Variants in SYN2 observed in about 807,000 individuals in gnomAD.
The protein encoded by SYN2 is synapsin-2.
Under a neutral mutation model 50.9 loss-of-function variants are expected in SYN2, and 19 were observed. The observed-to-expected ratio is 0.37, with a 90% CI of 0.26 to 0.55. The LOEUF (loss-of-function observed/expected upper bound fraction) is 0.55. SYN2 is among the 20% of genes least tolerant of loss of function. SYN2 has a pLI of 0.81. For synonymous variants in SYN2, 255 were observed against 224.9 expected (o/e 1.13, Z -1.20); for missense variants, 587 against 576.4 (o/e 1.02, Z -0.19).
intron 1 of SYN2, among the ~76,000 whole-genome samples, chr3:12,047,487 A>G (rs1303131250): frequency 2.6e-5 from 4 of 152,154 alleles, no homozygotes; most frequent in African/African-American, 9.7e-5. Context: ...ATTTAGTGAG[A>G]GTTGAAGGCC....
chr3:12,087,723 A>C (rs186985152), intron 1 of SYN2, among the ~76,000 whole-genome samples: 2 of 152,238 alleles, frequency 1.3e-5, no homozygotes, highest in Admixed American at 1.3e-4. Flanking sequence ...ACTGCACTTC[A>C]GCCTAGGTGA....
In SYN2 at chr3:12,191,806, TG is replaced by T. The variant is rs1220924545; in HGVS notation, c.*1183del. ...TCAAGCTCCTCAGCTGAGGCCCACA[TG>T]GTGGTGCCAATGAGGCTGGACCAAC... On this transcript the variant is annotated 3_prime_UTR_variant, in exon 13 of 13. Transcript: ENST00000621198. Among the ~76,000 whole-genome samples the T allele has an allele frequency of 1.3e-5, 2 of 152,168 alleles. No homozygotes were observed. Among genetic ancestry groups the T allele is most frequent in the East Asian group, 3.8e-4 (2 of 5,196 alleles).
chr3:12,081,932 T>C (rs1362204007), intron 1 of SYN2, among the ~76,000 whole-genome samples: 2 of 152,166 alleles, frequency 1.3e-5, no homozygotes, highest in Non-Finnish European at 2.9e-5. Context: ...ATATTTGTTC[T>C]AAGGGGTAGA....
At chr3:12,154,598 A>C in intron 5 of SYN2, 1 of 760,988 alleles carries the variant, frequency 1.3e-6, no homozygotes, top group Non-Finnish European at 2.1e-6. Context: ...GGACCAATAA[A>C]TAAAACTACT....
intron 10 of SYN2, among the ~76,000 whole-genome samples, chr3:12,180,868 C>T (rs1055135137): frequency 6.6e-6 from 1 of 152,202 alleles, no homozygotes; most frequent in Non-Finnish European, 1.5e-5. Flanking sequence ...GGTGTGATCA[C>T]CCCTGTGAGC....
chr3:12,068,630 T>A (rs1695273357), intron 1 of SYN2, among the ~76,000 whole-genome samples: 1 of 152,230 alleles, frequency 6.6e-6, no homozygotes, highest in South Asian at 2.1e-4. Flanking sequence ...GTTGTTGACC[T>A]TCCGAATTTA....
At chr3:12,162,655 T>G (rs1167475130) in intron 7 of SYN2, among the ~76,000 whole-genome samples, 1 of 152,206 alleles carries the variant, frequency 6.6e-6, no homozygotes, top group African/African-American at 2.4e-5. Flanking sequence ...CAGTTACACA[T>G]CTTATATATT....
At chr3:12,134,291 G>T (rs1037776859) in intron 1 of SYN2, among the ~76,000 whole-genome samples, 5 of 152,302 alleles carry the variant, frequency 3.3e-5, no homozygotes, top group African/African-American at 9.6e-5. Context: ...GGATATTTCT[G>T]CAGTGAAAAG....
intron 1 of SYN2, among the ~76,000 whole-genome samples, chr3:12,082,880 T>C (rs61672947): frequency 0.098 from 14,882 of 152,198 alleles, 2,421 homozygotes; most frequent in African/African-American, 0.34. Flanking sequence ...TTTGAACTTT[T>C]TTATTTCAGA....
chr3:12,068,224 T>C (rs1401470757), intron 1 of SYN2, among the ~76,000 whole-genome samples: 1 of 7,314 alleles, frequency 1.4e-4, no homozygotes, highest in Admixed American at 1.8e-3. Context: ...AAAATATCTT[T>C]ATACTACCTT....
intron 1 of SYN2, among the ~76,000 whole-genome samples, chr3:12,133,773 C>G (rs574327695): frequency 2.0e-5 from 3 of 152,184 alleles, no homozygotes; most frequent in Non-Finnish European, 4.4e-5. Context: ...TAAAATCTTT[C>G]AGTATTTTCT....
chr3:12,140,925 T>C (rs1295812089), intron 2 of SYN2, among the ~76,000 whole-genome samples: 1 of 152,230 alleles, frequency 6.6e-6, no homozygotes, highest in Non-Finnish European at 1.5e-5. Context: ...TTCCTTTTTA[T>C]GGCTCTAGTG....
chr3:12,157,752 C>G (rs1166375423), intron 5 of SYN2, among the ~76,000 whole-genome samples: 3 of 152,116 alleles, frequency 2.0e-5, no homozygotes, highest in Admixed American at 6.5e-5. Context: ...AGCTCTAGTT[C>G]TCCATAGCCG....
intron 1 of SYN2, among the ~76,000 whole-genome samples, chr3:12,044,584 T>C (rs543424956): frequency 1.8e-4 from 28 of 152,260 alleles, no homozygotes; most frequent in African/African-American, 6.5e-4. Flanking sequence ...CCCCTGAAAA[T>C]AGGAGGAATC....
chr3:12,130,853 T>C (rs188278925), intron 1 of SYN2, among the ~76,000 whole-genome samples: 2 of 152,262 alleles, frequency 1.3e-5, no homozygotes, highest in Non-Finnish European at 2.9e-5. Flanking sequence ...AAGTGACAAA[T>C]CAACAGGTTT....
chr3:12,162,406 C>T (rs1343274930), intron 7 of SYN2, among the ~76,000 whole-genome samples: 1 of 152,146 alleles, frequency 6.6e-6, no homozygotes, highest in African/African-American at 2.4e-5. Flanking sequence ...ACATTAGTTA[C>T]CTGTACATAG....
At chr3:12,157,355 G>T (rs200638524) in intron 5 of SYN2, 8 of 1,603,270 alleles carry the variant, frequency 5.0e-6, no homozygotes, top group Non-Finnish European at 6.8e-6. Flanking sequence ...CAGCCTTAGG[G>T]GCTACACATC....
At chr3:12,087,576 C>A (rs75794610) in intron 1 of SYN2, among the ~76,000 whole-genome samples, 7,244 of 151,894 alleles carry the variant, frequency 0.048, 233 homozygotes, top group Middle Eastern at 0.11. Flanking sequence ...TGGTGAGACC[C>A]TGCCTCTACA....
chr3:12,081,445 G>C (rs955696055), intron 1 of SYN2, among the ~76,000 whole-genome samples: 4 of 151,964 alleles, frequency 2.6e-5, no homozygotes, highest in African/African-American at 9.7e-5. Context: ...GCTCATTTTA[G>C]ATATTTGAGC....
Sources: gnomAD v4.1 joint callset for allele counts (sites outside exome capture counted in the v4.1 genomes callset) on GRCh38, gnomAD v4.1.1 for gene constraint, MANE v1.5 for transcripts, NCBI Gene and HGNC (gene_info 2026-07-23, HGNC 2026-07-21) for gene names.